CNTN4: variants seen among roughly 807,000 people sequenced by gnomAD.
CNTN4 encodes the protein contactin-4.
In CNTN4, 77 loss-of-function variants were observed where a neutral mutation model predicts 122.5. The observed-to-expected ratio is 0.63, with a 90% CI of 0.52 to 0.76. CNTN4 has a LOEUF of 0.76. Ranked by LOEUF, CNTN4 falls within the 30% of genes least tolerant of loss-of-function variation. The pLI, the probability that CNTN4 is intolerant of heterozygous loss-of-function variation, is 0.00. For missense variants in CNTN4, 1,256 were observed against 1,259.1 expected, an observed-to-expected ratio of 1.00 and a Z score of 0.04; for synonymous variants, 512 against 447.0, an observed-to-expected ratio of 1.15 and a Z score of -1.83.
rs115824100 is a variant in CNTN4, at chr3:2,393,668, T to C, written c.-89+54435T>C. ...ACCTTCTTTTTTAAATTATCATCCTTACATAAATCTTATGATGTTTTCAAG... is the reference window on the plus strand; with the variant it reads ...ACCTTCTTTTTTAAATTATCATCCTCACATAAATCTTATGATGTTTTCAAG... On this transcript the variant is annotated intron_variant, in intron 3 of 24. Coordinates refer to ENST00000418658, the MANE Select transcript of CNTN4 (RefSeq NM_175607.3). Among the ~76,000 whole-genome samples the C allele has an allele frequency of 5.4e-3, 819 of 152,280 alleles. 4 individuals carry two copies. The highest frequency in any genetic ancestry group is 0.018 in the African/African-American group (756 of 41,558).
intron 2 of CNTN4, among the ~76,000 whole-genome samples, chr3:2,329,394 C>T (rs2043623153): frequency 6.6e-6 from 1 of 152,186 alleles, no homozygotes; most frequent in South Asian, 2.1e-4. Flanking sequence ...CTTCTAAACG[C>T]CATTATGTCA....
intron 6 of CNTN4, among the ~76,000 whole-genome samples, chr3:2,786,829 C>A (rs1330954886): frequency 1.3e-5 from 2 of 152,148 alleles, no homozygotes; most frequent in African/African-American, 2.4e-5. Flanking sequence ...TGACCACCAT[C>A]ACAGGTCAGG....
intron 13 of CNTN4, among the ~76,000 whole-genome samples, chr3:2,940,758 A>T (rs2094608077): frequency 1.3e-5 from 2 of 152,202 alleles, no homozygotes; most frequent in East Asian, 3.9e-4. Flanking sequence ...GAGGAATTTC[A>T]TATAACATAC....
At chr3:2,575,809 C>CTTTTTTTTTT (rs56303805) in intron 4 of CNTN4, among the ~76,000 whole-genome samples, 4 of 101,250 alleles carry the variant, frequency 4.0e-5, no homozygotes, top group African/African-American at 1.5e-4. Context: ...TCTTCTTCTT[C>CTTTTTTTTTT]TTTTTTTTTT....
chr3:2,403,956 T>A (rs1575561079), intron 3 of CNTN4, among the ~76,000 whole-genome samples: 1 of 152,222 alleles, frequency 6.6e-6, no homozygotes. Context: ...AACTACATAG[T>A]GGACCCTATG....
At position 2,315,078 on chromosome 3, in the gene CNTN4, T is replaced by G. The variant is rs554269710; in HGVS notation, c.-144-24100T>G. ...CTGAAATGTACATCAAAAAGAAACA[T>G]GCATACAAAAACAAAAGGAGCTTTA... On this transcript the variant is annotated intron_variant, in intron 2 of 24. Coordinates refer to ENST00000418658, the MANE Select transcript of CNTN4 (RefSeq NM_175607.3). 2.6e-5 allele frequency among the ~76,000 whole-genome samples: 4 copies of G among 152,162 alleles called. No individual in the cohort carries two copies. The South Asian group carries it at 8.3e-4, about 32-fold the overall frequency.
chr3:2,796,644 T>C (rs1321273827), intron 6 of CNTN4, among the ~76,000 whole-genome samples: 1 of 152,200 alleles, frequency 6.6e-6, no homozygotes, highest in African/African-American at 2.4e-5. Flanking sequence ...TGAATACACA[T>C]TACCAGTTCA....
chr3:2,661,397 T>C (rs77596311), intron 4 of CNTN4, among the ~76,000 whole-genome samples: 393 of 152,230 alleles, frequency 2.6e-3, no homozygotes, highest in African/African-American at 9.1e-3. Context: ...TACAAGATTT[T>C]GCAATGTTTA....
chr3:2,857,721 C>T (rs534645017), intron 7 of CNTN4, among the ~76,000 whole-genome samples: 3 of 152,222 alleles, frequency 2.0e-5, no homozygotes, highest in African/African-American at 4.8e-5. Context: ...TGAGTAGCTG[C>T]GACTACAGGT....
rs1473692100 is a variant in CNTN4, at chr3:2,385,174, C to A, written c.-89+45941C>A. On this transcript the variant is annotated intron_variant, in intron 3 of 24. Transcript: ENST00000418658. This position sits in a 1 kb window ranked among gnomAD's most constrained non-coding sequence, Gnocchi z 4.0. ...AACCATAATCCATAACTCATATCAA[C>A]AAGGTTAATCCCAAACTCTTTTTAA... Among the ~76,000 whole-genome samples the A allele has an allele frequency of 6.6e-6, 1 of 152,138 alleles. No homozygotes were observed. Among genetic ancestry groups the A allele is most frequent in the Non-Finnish European group, 1.5e-5 (1 of 68,020 alleles).
At chr3:2,795,821 C>T (rs558366781) in intron 6 of CNTN4, among the ~76,000 whole-genome samples, 1 of 152,214 alleles carries the variant, frequency 6.6e-6, no homozygotes, top group South Asian at 2.1e-4. Context: ...CGCCCAGCCA[C>T]AAATGGGTAT....
intron 3 of CNTN4, among the ~76,000 whole-genome samples, chr3:2,482,991 A>G (rs1002726285): frequency 1.3e-5 from 2 of 152,144 alleles, no homozygotes; most frequent in Admixed American, 1.3e-4. Context: ...GAAGAAGGCC[A>G]CCATCCTCCA....
chr3:2,196,934 C>T (rs1273197474), intron 2 of CNTN4, among the ~76,000 whole-genome samples: 2 of 151,422 alleles, frequency 1.3e-5, no homozygotes, highest in Non-Finnish European at 2.9e-5. Context: ...ATCCCAGCTA[C>T]TCAGGAAGGC....
intron 3 of CNTN4, among the ~76,000 whole-genome samples, chr3:2,363,163 A>G (rs899432265): frequency 4.6e-5 from 7 of 152,152 alleles, no homozygotes; most frequent in Non-Finnish European, 1.5e-5. Flanking sequence ...TCCATTAGTA[A>G]GCCATGTTTT....
chr3:3,028,667 T>G (rs1202099766), intron 15 of CNTN4, among the ~76,000 whole-genome samples: 3 of 152,174 alleles, frequency 2.0e-5, no homozygotes. Flanking sequence ...TATTTTTTAT[T>G]TAAACCTGTA....
chr3:2,488,196 A>C (rs1354557662), intron 3 of CNTN4, among the ~76,000 whole-genome samples: 4 of 152,254 alleles, frequency 2.6e-5, no homozygotes, highest in Admixed American at 2.6e-4. Flanking sequence ...GAGGTTTGAC[A>C]ATTAGCAATC....
intron 4 of CNTN4, among the ~76,000 whole-genome samples, chr3:2,609,535 C>T (rs2081393898): frequency 6.6e-6 from 1 of 152,166 alleles, no homozygotes; most frequent in Non-Finnish European, 1.5e-5. Flanking sequence ...AACAATGAAA[C>T]AACTATTTGT....
At chr3:2,578,137 G>A (rs184988168) in intron 4 of CNTN4, among the ~76,000 whole-genome samples, 2 of 152,158 alleles carry the variant, frequency 1.3e-5, no homozygotes, top group African/African-American at 4.8e-5. Context: ...TTGAATCTAT[G>A]ATAGACAAAA....
intron 2 of CNTN4, among the ~76,000 whole-genome samples, chr3:2,334,531 CA>C (rs1175039750): frequency 2.7e-5 from 4 of 150,542 alleles, no homozygotes; most frequent in Admixed American, 6.7e-5. Context: ...CAACAAACTA[CA>C]AGAGGTTATA....
Sources: allele counts gnomAD v4.1 joint callset (sites outside exome capture counted in the v4.1 genomes callset), GRCh38; gene constraint gnomAD v4.1.1; non-coding constraint Gnocchi (gnomAD v3.1); transcripts MANE v1.5; gene names NCBI Gene and HGNC (gene_info 2026-07-23, HGNC 2026-07-21).